GPATCH2: variants seen among roughly 807,000 people sequenced by gnomAD.
GPATCH2 encodes the protein G patch domain-containing protein 2.
GPATCH2 carries 51 observed loss-of-function variants against 58.0 expected under a neutral mutation model. The ratio of observed to expected loss-of-function variants is 0.88; its 90% CI spans 0.70 to 1.11. The LOEUF is 1.11. GPATCH2 is among the 50% of genes most tolerant of loss of function. The pLI, the probability that GPATCH2 is intolerant of heterozygous loss-of-function variation, is 0.00. For synonymous variants in GPATCH2, 222 were observed against 218.5 expected, an observed-to-expected ratio of 1.02 and a Z score of -0.14; for missense variants, 625 against 652.2, an observed-to-expected ratio of 0.96 and a Z score of 0.45.
At chr1:217,443,019 T>C (rs1477878469) in intron 9 of GPATCH2, among the ~76,000 whole-genome samples, 8 of 152,190 alleles carry the variant, frequency 5.3e-5, no homozygotes, top group African/African-American at 1.7e-4. Flanking sequence ...ATGCATATCT[T>C]GTTTATTCTC....
intron 7 of GPATCH2, among the ~76,000 whole-genome samples, chr1:217,495,497 T>C (rs1661962951): frequency 6.6e-6 from 1 of 152,220 alleles, no homozygotes; most frequent in African/African-American, 2.4e-5. Context: ...AACTATGATC[T>C]GACTCACTAA....
chr1:217,592,150 C>A (rs1471745807), intron 5 of GPATCH2, among the ~76,000 whole-genome samples: 1 of 151,958 alleles, frequency 6.6e-6, no homozygotes, highest in African/African-American at 2.4e-5. Flanking sequence ...TAATTCTACT[C>A]CGTCTATTCT....
intron 5 of GPATCH2, among the ~76,000 whole-genome samples, chr1:217,518,613 G>A (rs539548640): frequency 1.3e-5 from 2 of 152,114 alleles, no homozygotes; most frequent in Non-Finnish European, 2.9e-5. Context: ...CAAGAGTCAC[G>A]TAAGATTAAT....
At chr1:217,507,421 C>T (rs1662616752) in intron 6 of GPATCH2, among the ~76,000 whole-genome samples, 1 of 152,160 alleles carries the variant, frequency 6.6e-6, no homozygotes, top group South Asian at 2.1e-4. Context: ...TCAGGAAGTT[C>T]AGCCTGATGT....
intron 1 of GPATCH2, among the ~76,000 whole-genome samples, chr1:217,626,685 C>G (rs1249303273): frequency 6.6e-6 from 1 of 152,198 alleles, no homozygotes; most frequent in South Asian, 2.1e-4. Context: ...TTATCTCAAC[C>G]TAGGAATCTA....
chr1:217,545,806 G>A (rs190345527), intron 5 of GPATCH2, among the ~76,000 whole-genome samples: 411 of 152,200 alleles, frequency 2.7e-3, no homozygotes, highest in Non-Finnish European at 4.3e-3. Context: ...ACTACAAAGC[G>A]TCAAATAAAG....
intron 8 of GPATCH2, among the ~76,000 whole-genome samples, chr1:217,452,330 G>C (rs145390216): frequency 1.1e-4 from 17 of 152,122 alleles, no homozygotes; most frequent in Non-Finnish European, 4.4e-5. Context: ...ATTAAGGCTG[G>C]TTTTATTGAT....
rs111653609 is a variant in GPATCH2 at position 217,497,557 on chromosome 1, A to C, written c.1206+799T>G. Among the ~76,000 whole-genome samples the C allele has an allele frequency of 9.8e-3, 1,488 of 152,282 alleles. 26 individuals are homozygous for C. Among genetic ancestry groups the C allele is most frequent in the African/African-American group, 0.034 (1,416 of 41,570 alleles). On this transcript the variant is annotated intron_variant, in intron 7 of 9. Coordinates refer to ENST00000366935, the MANE Select transcript of GPATCH2 (RefSeq NM_018040.5). ...AGCTGTGAACCTGCTGCTCAGCCCA[A>C]GAAATCAAACATTATAATGTTACCA... is the stretch of plus-strand genomic sequence containing the variant.
chr1:217,434,849 A>G (rs1165478043), intron 9 of GPATCH2, among the ~76,000 whole-genome samples: 1 of 152,202 alleles, frequency 6.6e-6, no homozygotes, highest in Non-Finnish European at 1.5e-5. Flanking sequence ...TAGATGGAAA[A>G]GAACTCATTC....
At chr1:217,573,937 A>G (rs1571945062) in intron 5 of GPATCH2, among the ~76,000 whole-genome samples, 1 of 152,318 alleles carries the variant, frequency 6.6e-6, no homozygotes, top group East Asian at 1.9e-4. Flanking sequence ...AGCTCAATTA[A>G]GACTTTGCTA....
chr1:217,616,676 T>C (rs1668902100), intron 2 of GPATCH2, among the ~76,000 whole-genome samples: 1 of 152,180 alleles, frequency 6.6e-6, no homozygotes, highest in African/African-American at 2.4e-5. Context: ...AGCCTTTTAT[T>C]TTCAGCAGCT....
At chr1:217,449,415 C>G in intron 8 of GPATCH2, 78 bp from the exon 9 acceptor site, 1 of 859,902 alleles carries the variant, frequency 1.2e-6, no homozygotes, top group Admixed American at 1.9e-5. Context: ...ATCATCTGAA[C>G]CTAAATCAAA....
intron 6 of GPATCH2, among the ~76,000 whole-genome samples, chr1:217,510,639 G>C (rs114429441): frequency 6.6e-6 from 1 of 152,156 alleles, no homozygotes; most frequent in African/African-American, 2.4e-5. Flanking sequence ...TTTATAGAGT[G>C]CTCAGAAATC....
rs147367161 is a variant in GPATCH2, at chr1:217,496,863, C to A, written c.1206+1493G>T. Among the ~76,000 whole-genome samples, 1,223 of 152,164 alleles carry A rather than the reference C, an allele frequency of 8.0e-3. 15 individuals are homozygous for A. The highest frequency in any genetic ancestry group is 0.028 in the African/African-American group (1,167 of 41,506). ...AACTACCATATGTAACAAGAATTAA[C>A]TGGATTTATTAATTAATAATCTACC... is the stretch of plus-strand genomic sequence containing the variant. On this transcript the variant is annotated intron_variant, in intron 7 of 9. Transcript: ENST00000366935.
intron 5 of GPATCH2, among the ~76,000 whole-genome samples, chr1:217,522,130 A>T (rs1355179772): frequency 1.3e-5 from 2 of 152,234 alleles, no homozygotes; most frequent in Non-Finnish European, 2.9e-5. Flanking sequence ...TAATTGTTTT[A>T]AATCTTCATT....
intron 2 of GPATCH2, among the ~76,000 whole-genome samples, chr1:217,614,626 T>C (rs188607574): frequency 3.3e-5 from 5 of 152,144 alleles, no homozygotes; most frequent in African/African-American, 1.2e-4. Context: ...TACAAAGGAC[T>C]AGGATGAGAT....
chr1:217,631,040 C>G lies in GPATCH2; in HGVS notation c.-69G>C. 1 of 1,422,242 alleles carries G rather than the reference C, an allele frequency of 7.0e-7. No homozygotes were observed. Among genetic ancestry groups the G allele is most frequent in the South Asian group, 1.2e-5 (1 of 82,296 alleles). The allele number at this position is 1,422,242 out of a possible 1,614,324, so 88.1% of individuals were successfully genotyped here. A position where few individuals can be genotyped will look rare whatever the true frequency, so the allele number is the denominator to read the frequency against. On this transcript the variant is annotated 5_prime_UTR_variant, in exon 1 of 10. Transcript: ENST00000366935. ...CAGACTCCAACTACAACAGCACCGG[C>G]GACTTCCAAAGAGCAGTTCAGCATT...
chr1:217,551,299 A>C (rs958827735), intron 5 of GPATCH2, among the ~76,000 whole-genome samples: 8 of 152,082 alleles, frequency 5.3e-5, no homozygotes, highest in African/African-American at 1.9e-4. Flanking sequence ...AATTCGTTCA[A>C]TTCATTCTCA....
rs1176539809 is a variant in GPATCH2 at position 217,428,269 on chromosome 1, T to C, written c.*2876A>G. On this transcript the variant is annotated 3_prime_UTR_variant, in exon 10 of 10. Transcript: ENST00000366935. ...TTTTTAGTACAACCAATTAATTTGC[T>C]ATAAGGCTACAGATACTGTAGAAGA... 1.3e-5 allele frequency: 2 copies of C among 152,180 alleles called. No homozygotes were observed. Among genetic ancestry groups the C allele is most frequent in the South Asian group, 2.1e-4 (1 of 4,836 alleles). 9.4% of individuals were successfully genotyped at this position (152,180 alleles called of 1,614,324 possible).
Sources: gnomAD v4.1 joint callset for allele counts (sites outside exome capture counted in the v4.1 genomes callset) on GRCh38, gnomAD v4.1.1 for gene constraint, MANE v1.5 for transcripts, NCBI Gene and HGNC (gene_info 2026-07-23, HGNC 2026-07-21) for gene names.